Variants in RAD54B observed in about 807,000 individuals in gnomAD.
RAD54B encodes the protein DNA repair and recombination protein RAD54B.
A neutral mutation model predicts 95.8 loss-of-function variants in RAD54B; 78 were observed. The observed-to-expected ratio is 0.81, with a 90% CI of 0.68 to 0.98. The LOEUF (loss-of-function observed/expected upper bound fraction) is 0.98, where lower values mean the gene tolerates loss of function less well. Ranked by LOEUF, RAD54B falls within the 50% of genes least tolerant of loss-of-function variation. RAD54B has a pLI of 0.00. For missense variants in RAD54B, 957 were observed against 1,056.6 expected, an observed-to-expected ratio of 0.91 and a Z score of 1.31; for synonymous variants, 328 against 354.9, an observed-to-expected ratio of 0.92 and a Z score of 0.85.
chr8:94,456,847 T>G (rs1326850225), intron 3 of RAD54B, among the ~76,000 whole-genome samples: 1 of 152,166 alleles, frequency 6.6e-6, no homozygotes, highest in Non-Finnish European at 1.5e-5. Flanking sequence ...AAAGCTTTTT[T>G]CCCCAATTTA....
At chr8:94,407,867 TA>T (rs34980964) in intron 4 of RAD54B, 147 bp from the exon 5 acceptor site, 14 of 552,336 alleles carry the variant, frequency 2.5e-5, no homozygotes, top group Non-Finnish European at 3.5e-5. Context: ...ACATTTTGGT[TA>T]AAAAAAACAT....
Position 94,391,872 on chromosome 8 carries a change from C to T in RAD54B, c.1546G>A (p.Ala516Thr), listed in dbSNP as rs115960331. The change falls in exon 10 of 15, where the codon GCA becomes ACA. Residue 516 changes from alanine (A) to threonine (T), a missense_variant. Physicochemically the swap from Ala to Thr is moderately conservative, Grantham distance 58. Transcript: ENST00000336148. ...CCAGTGAGGCAAGTAAGTTCAGCTG[C>T]TCTTCTTTCTCCTAACTCCTTTTCT... ...EEEKELGERR[A>T]AELTCLTGLF... 330 of 1,611,170 alleles carry T rather than the reference C, an allele frequency of 2.0e-4. No individual in the cohort carries two copies. The African/African-American group carries it at 3.2e-3, about 16-fold the overall frequency.
At chr8:94,402,715 G>A (rs908313169) in intron 6 of RAD54B, among the ~76,000 whole-genome samples, 1 of 152,148 alleles carries the variant, frequency 6.6e-6, no homozygotes, top group African/African-American at 2.4e-5. Context: ...TTTTAAATAA[G>A]GGAATGCCAT....
intron 11 of RAD54B, 148 bp from the exon 12 acceptor site, chr8:94,380,554 G>T: frequency 1.2e-6 from 1 of 866,042 alleles, no homozygotes; most frequent in Non-Finnish European, 1.7e-6. Context: ...AGGTATTCCT[G>T]CATATTCCAT....
chr8:94,382,188 A>G (rs901373615), intron 11 of RAD54B, among the ~76,000 whole-genome samples: 4 of 152,118 alleles, frequency 2.6e-5, no homozygotes, highest in African/African-American at 9.7e-5. Flanking sequence ...GGACCTACTA[A>G]AAAGTTCCCA....
chr8:94,378,599 A>G lies in RAD54B; in HGVS notation c.2283T>C (p.Tyr761=). 6.2e-7 allele frequency: 1 copy of G among 1,610,332 alleles called. No homozygotes were observed. The highest frequency in any genetic ancestry group is 8.5e-7 in the Non-Finnish European group (1 of 1,177,698). ...TTAGGAGTCTGTAAATATGTACAGG[A>G]TATTTCTGACCATCTCTCCATACTC... ...MSRVWRDGQK[Y]PVHIYRLLTT... is the part of the protein sequence containing the mutation. Residue 761 remains tyrosine, a synonymous_variant, in exon 13 of 15, where the codon TAT becomes TAC. Coordinates refer to ENST00000336148, the MANE Select transcript of RAD54B (RefSeq NM_012415.3).
intron 14 of RAD54B, among the ~76,000 whole-genome samples, chr8:94,377,781 C>A (rs1810627097): frequency 6.7e-6 from 1 of 149,694 alleles, no homozygotes; most frequent in South Asian, 2.1e-4. Flanking sequence ...TCGAGACCAT[C>A]CTGGCTAACA....
chr8:94,467,240 T>A (rs932518565), intron 2 of RAD54B, among the ~76,000 whole-genome samples, 165 bp downstream of exon 2: 3 of 151,872 alleles, frequency 2.0e-5, no homozygotes, highest in South Asian at 4.2e-4. Context: ...TTATTCCTTT[T>A]AAAAAAAAAT....
chr8:94,399,486 A>T lies in RAD54B; in HGVS notation c.1306T>A (p.Leu436Met). 6.2e-7 allele frequency: 1 copy of T among 1,613,738 alleles called. No homozygotes were observed. The highest frequency in any genetic ancestry group is 8.5e-7 in the Non-Finnish European group (1 of 1,179,744). Residue 436 changes from leucine to methionine, a missense_variant, in exon 8 of 15, where the codon TTG (leucine) becomes ATG (methionine). Physicochemically the swap from Leu to Met is conservative, Grantham distance 15. Transcript: ENST00000336148. ...GTTGTCTTAATGGCACTGTTCTTCAAACGATGCCCCTCGTCACAGATTAGA... is the reference window on the plus strand; with the variant it reads ...GTTGTCTTAATGGCACTGTTCTTCATACGATGCCCCTCGTCACAGATTAGA... ...DLLICDEGHR[L>M]KNSAIKTTTA...
chr8:94,426,004 G>A (rs1811932200), intron 3 of RAD54B, among the ~76,000 whole-genome samples: 1 of 152,170 alleles, frequency 6.6e-6, no homozygotes, highest in South Asian at 2.1e-4. Context: ...CCAAGCTGGA[G>A]TACAGTGGCG....
intron 12 of RAD54B, 139 bp downstream of exon 12, chr8:94,380,006 G>A: frequency 1.1e-6 from 1 of 891,724 alleles, no homozygotes; most frequent in Non-Finnish European, 1.7e-6. Flanking sequence ...CAGATGGAAA[G>A]CACTTAGGAG....
At chr8:94,404,656 A>C (rs1811342769) in intron 5 of RAD54B, among the ~76,000 whole-genome samples, 1 of 152,126 alleles carries the variant, frequency 6.6e-6, no homozygotes, top group African/African-American at 2.4e-5. Context: ...AGTCTCCCCA[A>C]ATTTAACATA....
Position 94,458,393 on chromosome 8 carries a change from AG to A in RAD54B, c.178del (p.Arg61GlufsTer5), listed in dbSNP as rs745397085. ...NNTFLPSQND[L>X]RICSLNLPSE... The stretch of plus-strand genomic sequence containing the variant: ...AGGCAGATTTAAACTGCATATTCTA[AG>A]ATCATTTTGTGACGGGAGAAAGGTG... On this transcript the variant is annotated frameshift_variant, in exon 3 of 15. Transcript: ENST00000336148. LOFTEE classifies it high-confidence loss of function. 8 of 1,602,442 alleles carry A rather than the reference AG, an allele frequency of 5.0e-6. No homozygotes were observed. In the Admixed American group the frequency reaches 1.2e-4, roughly 24 times the overall value.
chr8:94,430,878 A>G, intron 3 of RAD54B: 2 of 985,338 alleles, frequency 2.0e-6, no homozygotes, highest in Non-Finnish European at 2.4e-6. Context: ...TACAGCCCAA[A>G]TTGACTCTCT....
chr8:94,470,673 G>A (rs1242512614), intron 1 of RAD54B, among the ~76,000 whole-genome samples: 2 of 150,338 alleles, frequency 1.3e-5, no homozygotes, highest in Non-Finnish European at 3.0e-5. Context: ...CATGAGAATC[G>A]CTTGAACCCA....
intron 3 of RAD54B, among the ~76,000 whole-genome samples, chr8:94,444,545 G>A (rs1353102864): frequency 1.3e-5 from 2 of 152,128 alleles, no homozygotes; most frequent in Non-Finnish European, 2.9e-5. Context: ...GCAAACTAAT[G>A]AGAACTGTAA....
At chr8:94,420,060 T>C (rs1179208998) in intron 3 of RAD54B, among the ~76,000 whole-genome samples, 1 of 152,160 alleles carries the variant, frequency 6.6e-6, no homozygotes, top group African/African-American at 2.4e-5. Flanking sequence ...AACCATAGGC[T>C]ATACCACACA....
At chr8:94,465,306 GT>G (rs963102713) in intron 2 of RAD54B, among the ~76,000 whole-genome samples, 12 of 151,934 alleles carry the variant, frequency 7.9e-5, no homozygotes, top group African/African-American at 2.7e-4. Flanking sequence ...AAATTAGAAG[GT>G]TTTTTCAGCA....
intron 3 of RAD54B, among the ~76,000 whole-genome samples, chr8:94,416,403 T>C (rs1305265551): frequency 6.6e-6 from 1 of 151,840 alleles, no homozygotes; most frequent in Non-Finnish European, 1.5e-5. Context: ...CATTAGGAGA[T>C]ATACCTAATG....
Sources: gnomAD v4.1 joint callset for allele counts (sites outside exome capture counted in the v4.1 genomes callset) on GRCh38, gnomAD v4.1.1 for gene constraint, MANE v1.5 for transcripts, NCBI Gene and HGNC (gene_info 2026-07-23, HGNC 2026-07-21) for gene names.